SPOCK1: variants seen among roughly 807,000 people sequenced by gnomAD.
SPOCK1 encodes the protein testican-1.
Under a neutral mutation model 55.3 loss-of-function variants are expected in SPOCK1, and 23 were observed. The observed-to-expected ratio is 0.42, with a 90% CI of 0.30 to 0.59. The LOEUF is 0.59. Among genes scored for constraint, SPOCK1 ranks in the 20% least tolerant of loss-of-function variants. SPOCK1 has a pLI of 0.22. For synonymous variants in SPOCK1, 226 were observed against 221.0 expected (o/e 1.02, Z -0.20); for missense variants, 499 against 552.5 (o/e 0.90, Z 0.97).
intron 6 of SPOCK1, 96 bp downstream of exon 6, chr5:137,067,619 G>T: frequency 1.9e-6 from 2 of 1,053,504 alleles, no homozygotes; most frequent in Admixed American, 3.9e-5. Flanking sequence ...CATTTCTCCA[G>T]TTTGTTCCTA....
chr5:137,348,608 C>T (rs983257567), intron 2 of SPOCK1, among the ~76,000 whole-genome samples: 1 of 151,694 alleles, frequency 6.6e-6, no homozygotes, highest in Non-Finnish European at 1.5e-5. Context: ...CAACATACAA[C>T]TATAATTTAT....
intron 3 of SPOCK1, among the ~76,000 whole-genome samples, chr5:137,217,953 T>TAAAAATATAGA (rs1325444485): frequency 2.0e-5 from 3 of 152,208 alleles, no homozygotes; most frequent in African/African-American, 7.2e-5. Context: ...CGCATCTATA[T>TAAAAATATAGA]TTCTACATAG....
At chr5:137,396,804 T>C (rs1239937002) in intron 2 of SPOCK1, among the ~76,000 whole-genome samples, 1 of 152,236 alleles carries the variant, frequency 6.6e-6, no homozygotes, top group Non-Finnish European at 1.5e-5. Context: ...TAATCTCATG[T>C]GCATTGAGTG....
chr5:137,477,111 T>C (rs1165485752), intron 2 of SPOCK1, among the ~76,000 whole-genome samples: 2 of 152,174 alleles, frequency 1.3e-5, no homozygotes, highest in African/African-American at 4.8e-5. Context: ...TTAAATAAAT[T>C]ATTGGACTAT....
At chr5:137,302,323 A>G (rs909319560) in intron 2 of SPOCK1, among the ~76,000 whole-genome samples, 1 of 151,908 alleles carries the variant, frequency 6.6e-6, no homozygotes, top group Non-Finnish European at 1.5e-5. Context: ...TAATCCCAGC[A>G]CTTTGGGAGG....
chr5:137,126,729 G>A (rs1273751821), intron 4 of SPOCK1, among the ~76,000 whole-genome samples: 1 of 152,150 alleles, frequency 6.6e-6, no homozygotes, highest in Non-Finnish European at 1.5e-5. Flanking sequence ...ACCAGTCTGG[G>A]CAACAAGAAC....
At chr5:137,369,601 T>A (rs1751154039) in intron 2 of SPOCK1, among the ~76,000 whole-genome samples, 1 of 152,206 alleles carries the variant, frequency 6.6e-6, no homozygotes, top group African/African-American at 2.4e-5. Context: ...AGGACCACTG[T>A]CTTAGCTCGG....
chr5:137,221,955 G>A (rs1755855629), intron 3 of SPOCK1, among the ~76,000 whole-genome samples: 1 of 152,208 alleles, frequency 6.6e-6, no homozygotes, highest in African/African-American at 2.4e-5. Flanking sequence ...TGTCTGATGA[G>A]AAAGCCTTGA....
intron 6 of SPOCK1, 130 bp downstream of exon 6, chr5:137,067,585 G>T: frequency 1.5e-6 from 1 of 688,894 alleles, no homozygotes; most frequent in South Asian, 2.0e-5. Context: ...CCTAAATCTG[G>T]AGTACTTACC....
chr5:137,084,496 C>A (rs968397134), intron 5 of SPOCK1, among the ~76,000 whole-genome samples: 1 of 151,940 alleles, frequency 6.6e-6, no homozygotes, highest in East Asian at 1.9e-4. Flanking sequence ...ATTTCTAGGG[C>A]ACAGGAAACA....
intron 5 of SPOCK1, among the ~76,000 whole-genome samples, chr5:137,095,009 T>C (rs1753117227): frequency 6.6e-6 from 1 of 152,176 alleles, no homozygotes; most frequent in Admixed American, 6.5e-5. Context: ...AATTTCAATA[T>C]TGTTGTGTCA....
chr5:137,112,591 G>T (rs766007463), intron 4 of SPOCK1, 30 bp from the exon 5 acceptor site: 10 of 1,609,106 alleles, frequency 6.2e-6, no homozygotes, highest in Admixed American at 1.7e-5. Flanking sequence ...GGATAAATTA[G>T]TTGAAGCTCC....
chr5:137,439,045 T>C (rs575197671), intron 2 of SPOCK1, among the ~76,000 whole-genome samples: 2 of 152,170 alleles, frequency 1.3e-5, no homozygotes, highest in African/African-American at 2.4e-5. Flanking sequence ...AAGCAAATTA[T>C]ACCATCTGAG....
chr5:137,036,033 C>T (rs1332603968), intron 6 of SPOCK1, among the ~76,000 whole-genome samples: 1 of 152,080 alleles, frequency 6.6e-6, no homozygotes, highest in Admixed American at 6.6e-5. Context: ...GTCCTCAGAA[C>T]AACTGCAGGG....
At chr5:137,021,606 G>C (rs544092420) in intron 6 of SPOCK1, among the ~76,000 whole-genome samples, 1 of 152,260 alleles carries the variant, frequency 6.6e-6, no homozygotes. Context: ...TACTAGCTGT[G>C]TTTCATTAAG....
At chr5:137,351,096 C>T (rs760676317) in intron 2 of SPOCK1, among the ~76,000 whole-genome samples, 8 of 152,126 alleles carry the variant, frequency 5.3e-5, no homozygotes, top group African/African-American at 1.2e-4. Flanking sequence ...TCCTGACCCA[C>T]CAAGGACCAT....
chr5:137,051,693 T>C (rs1306350146), intron 6 of SPOCK1, among the ~76,000 whole-genome samples: 1 of 152,026 alleles, frequency 6.6e-6, no homozygotes, highest in Admixed American at 6.6e-5. Flanking sequence ...AAGAATAACC[T>C]GAGAAACTAT....
intron 6 of SPOCK1, among the ~76,000 whole-genome samples, chr5:137,020,735 T>A (rs998538409): frequency 6.6e-6 from 1 of 151,550 alleles, no homozygotes; most frequent in Non-Finnish European, 1.5e-5. Context: ...GACAACCCAA[T>A]ACAAAAATCA....
intron 2 of SPOCK1, among the ~76,000 whole-genome samples, chr5:137,480,641 G>T (rs1190609846): frequency 6.6e-6 from 1 of 152,140 alleles, no homozygotes; most frequent in East Asian, 1.9e-4. Context: ...ACAGGGAGGA[G>T]ATTTATTAAG....
Sources: allele counts gnomAD v4.1 joint callset (sites outside exome capture counted in the v4.1 genomes callset), GRCh38; gene constraint gnomAD v4.1.1; transcripts MANE v1.5; gene names NCBI Gene and HGNC (gene_info 2026-07-23, HGNC 2026-07-21).